Variants in ERCC3 observed in about 807,000 individuals in gnomAD.
ERCC3 encodes the protein general transcription and DNA repair factor IIH helicase/translocase subunit XPB.
In ERCC3, 66 loss-of-function variants were observed where a neutral mutation model predicts 94.2. That is an observed-to-expected ratio of 0.70 (90% CI 0.57 to 0.86). The LOEUF is 0.86. Ranked by LOEUF, ERCC3 falls within the 40% of genes least tolerant of loss-of-function variation. The pLI, the probability that ERCC3 is intolerant of heterozygous loss-of-function variation, is 0.00. For missense variants in ERCC3, 829 were observed against 987.1 expected, an observed-to-expected ratio of 0.84 and a Z score of 2.15; for synonymous variants, 349 against 369.1, an observed-to-expected ratio of 0.95 and a Z score of 0.63.
intron 3 of ERCC3, chr2:127,290,858 G>A (rs950771395): frequency 2.6e-5 from 4 of 156,466 alleles, no homozygotes; most frequent in African/African-American, 9.7e-5. Flanking sequence ...GAGCCAGGTG[G>A]ATCACCTGAG....
intron 2 of ERCC3, 147 bp downstream of exon 2, chr2:127,293,366 G>T: frequency 1.3e-6 from 1 of 763,878 alleles, no homozygotes; most frequent in Non-Finnish European, 2.1e-6. Context: ...GTTGCCTTGG[G>T]CTGTTCCAAC....
chr2:127,277,097 G>C lies in ERCC3; in HGVS notation c.1730+2076C>G, dbSNP rs1220090650. On this transcript the variant is annotated intron_variant, in intron 10 of 14. Transcript: ENST00000285398. The surrounding 1 kb of genome is among the most constrained non-coding windows in gnomAD (Gnocchi z 5.1). ...CCAAGAGGGTGGAGATTTCAGGGTG[G>C]GAAACACAACAAAGAGGCCCAGGGA... Among the ~76,000 whole-genome samples the C allele has an allele frequency of 2.0e-5, 3 of 152,148 alleles. No homozygotes were observed. The highest frequency in any genetic ancestry group is 7.2e-5 in the African/African-American group (3 of 41,424).
chr2:127,289,304 T>C (rs749337248), intron 6 of ERCC3, 33 bp downstream of exon 6: 6 of 1,605,870 alleles, frequency 3.7e-6, no homozygotes, highest in Non-Finnish European at 4.3e-6. Flanking sequence ...AGCAGCTCAG[T>C]GAAGGAACCA....
In ERCC3 at chr2:127,279,122, A is replaced by G. The variant is rs1684827782; in HGVS notation, c.1730+51T>C. The G allele has an allele frequency of 7.9e-7, 1 of 1,265,298 alleles. No homozygotes were observed. Among genetic ancestry groups the G allele is most frequent in the Non-Finnish European group, 1.2e-6 (1 of 864,538 alleles). The allele number at this position is 1,265,298 out of a possible 1,614,324, so 78.4% of individuals were successfully genotyped here. Reference sequence around the variant, plus strand: ...AACAACAGCCACCTTCTGCACTCTCAATGGGGAAGAGAAACTGGCCTGGAG... The same window carrying G: ...AACAACAGCCACCTTCTGCACTCTCGATGGGGAAGAGAAACTGGCCTGGAG... On this transcript the variant is annotated intron_variant, in intron 10 of 14. Coordinates refer to ENST00000285398, the MANE Select transcript of ERCC3 (RefSeq NM_000122.2). The surrounding 1 kb of genome is among the most constrained non-coding windows in gnomAD (Gnocchi z 4.7).
chr2:127,263,731 G>A (rs868729839), intron 12 of ERCC3, among the ~76,000 whole-genome samples: 2 of 149,000 alleles, frequency 1.3e-5, no homozygotes, highest in Non-Finnish European at 3.0e-5. Flanking sequence ...TCTGGGGGAC[G>A]GAGTCTCGCT....
intron 10 of ERCC3, among the ~76,000 whole-genome samples, chr2:127,275,847 C>T (rs1684718968): frequency 6.6e-6 from 1 of 152,142 alleles, no homozygotes; most frequent in Admixed American, 6.5e-5. Context: ...CCTGAGCTAA[C>T]AGACTAGAGA....
chr2:127,278,298 A>G (rs1684797827), intron 10 of ERCC3, among the ~76,000 whole-genome samples: 1 of 152,054 alleles, frequency 6.6e-6, no homozygotes, highest in South Asian at 2.1e-4. Context: ...AACAAAAAAG[A>G]GTCAAAAGCG....
At position 127,280,930 on chromosome 2, in the gene ERCC3, A is replaced by C. The variant is rs1684889072; in HGVS notation, c.1343-299T>G. 2.0e-6 allele frequency: 1 copy of C among 504,268 alleles called. No homozygotes were observed. Among genetic ancestry groups the C allele is most frequent in the South Asian group, 3.9e-5 (1 of 25,712 alleles). 31.2% of individuals were successfully genotyped at this position (504,268 alleles called of 1,614,324 possible). On this transcript the variant is annotated intron_variant, in intron 8 of 14. Transcript: ENST00000285398. The surrounding 1 kb of genome is among the most constrained non-coding windows in gnomAD (Gnocchi z 6.3). ...TTTCAGGACCACAGAAGCTGGCTCT[A>C]GACAAGAATGACTAGGCAAATGCTT...
chr2:127,272,798 T>C, intron 11 of ERCC3, 67 bp downstream of exon 11: 1 of 963,660 alleles, frequency 1.0e-6, no homozygotes, highest in Non-Finnish European at 1.7e-6. Context: ...TGTCCAGGAA[T>C]CATAGTGTAC....
rs145380222 is a variant in ERCC3, at chr2:127,275,829, G to A, written c.1731-2868C>T. Among the ~76,000 whole-genome samples the A allele has an allele frequency of 2.3e-3, 354 of 152,336 alleles. 1 individual carries two copies. The highest frequency in any genetic ancestry group is 7.7e-3 in the African/African-American group (321 of 41,574). ...GAAGCTGAAAAGCAGACAGATGCAGGCACAGTACCTGAGCTAACAGACTAG... is the reference window on the plus strand; with the variant it reads ...GAAGCTGAAAAGCAGACAGATGCAGACACAGTACCTGAGCTAACAGACTAG... On this transcript the variant is annotated intron_variant, in intron 10 of 14. Coordinates refer to ENST00000285398, the MANE Select transcript of ERCC3 (RefSeq NM_000122.2).
rs1326310010 is a variant in ERCC3, at chr2:127,274,066, C to T, written c.1731-1105G>A. On this transcript the variant is annotated intron_variant, in intron 10 of 14. Coordinates refer to ENST00000285398, the MANE Select transcript of ERCC3 (RefSeq NM_000122.2). This position sits in a 1 kb window ranked among gnomAD's most constrained non-coding sequence, Gnocchi z 4.0. ...CGGTGGCTCACACCTGTAATCCCAG[C>T]ACTTTGGGAGGCGGAGGTGGGTGGA... 6.6e-6 allele frequency among the ~76,000 whole-genome samples: 1 copy of T among 150,810 alleles called. No homozygotes were observed. Among genetic ancestry groups the T allele is most frequent in the Non-Finnish European group, 1.5e-5 (1 of 67,814 alleles).
chr2:127,293,422 C>T (rs949147797), intron 2 of ERCC3, 91 bp downstream of exon 2: 1 of 1,190,296 alleles, frequency 8.4e-7, no homozygotes, highest in Admixed American at 1.9e-5. Flanking sequence ...GGGGCAGTAT[C>T]CTGAATGTCA....
intron 7 of ERCC3, among the ~76,000 whole-genome samples, chr2:127,287,495 A>T (rs1301474869): frequency 6.6e-6 from 1 of 152,092 alleles, no homozygotes. Context: ...TTAGCCGGGC[A>T]TGGTGGCGGG....
At chr2:127,288,548 T>C in intron 7 of ERCC3, 112 bp downstream of exon 7, 4 of 957,614 alleles carry the variant, frequency 4.2e-6, no homozygotes, top group Non-Finnish European at 6.9e-6. Context: ...TCACCTGATC[T>C]TGGCTTTTCA....
rs1275936796 is a variant in ERCC3 at position 127,291,817 on chromosome 2, G to C, written c.471+793C>G. On this transcript the variant is annotated intron_variant, in intron 3 of 14. Transcript: ENST00000285398. This position sits in a 1 kb window ranked among gnomAD's most constrained non-coding sequence, Gnocchi z 4.9. ...AATCACATGGAACCCTCTTTGTTTT[G>C]TCAAAAACATCTGAAGTTGTTTTTG... 6.6e-6 allele frequency: 1 copy of C among 152,460 alleles called. No homozygotes were observed. The highest frequency in any genetic ancestry group is 6.5e-5 in the Admixed American group (1 of 15,298). 9.4% of individuals were successfully genotyped at this position (152,460 alleles called of 1,614,324 possible). A position where few individuals can be genotyped will look rare whatever the true frequency, so the allele number is the denominator to read the frequency against.
rs1311651533 is a variant in ERCC3 at position 127,258,602 on chromosome 2, T to C, written c.2217+694A>G. Among the ~76,000 whole-genome samples the C allele has an allele frequency of 6.6e-6, 1 of 152,122 alleles. No homozygotes were observed. Among genetic ancestry groups the C allele is most frequent in the Non-Finnish European group, 1.5e-5 (1 of 68,008 alleles). ...TTCCCAGGGACAGCTGTTTCCTTCT[T>C]GCCTTGGTCCAGCAGTTGCTCACCT... is the stretch of plus-strand genomic sequence containing the variant. On this transcript the variant is annotated intron_variant, in intron 14 of 14. Transcript: ENST00000285398. The surrounding 1 kb of genome is among the most constrained non-coding windows in gnomAD (Gnocchi z 4.1).
At chr2:127,273,553 CA>C (rs1184050631) in intron 10 of ERCC3, among the ~76,000 whole-genome samples, 16 of 151,658 alleles carry the variant, frequency 1.1e-4, no homozygotes, top group Non-Finnish European at 1.0e-4. Flanking sequence ...AATTCACGAC[CA>C]GCCTGACCAA....
chr2:127,257,620 C>T lies in ERCC3; in HGVS notation c.2325G>A (p.Pro775=), dbSNP rs550401363. ...ATCATTTCCTAAAGCGCTTGAAGAG[C>T]GGGTGTACATGTTTGCTGGGCGCCT... ...RSKAPSKHVH[P]LFKRFRK The change falls in exon 15 of 15, where the codon CCG becomes CCA. Residue 775 remains proline, a synonymous_variant. Transcript: ENST00000285398. This position sits in a 1 kb window ranked among gnomAD's most constrained non-coding sequence, Gnocchi z 5.4. 2.3e-5 allele frequency: 37 copies of T among 1,614,102 alleles called. No homozygotes were observed. In the East Asian group the frequency reaches 2.5e-4, roughly 11 times the overall value.
At chr2:127,268,721 G>A (rs1385945990) in intron 12 of ERCC3, among the ~76,000 whole-genome samples, 1 of 152,202 alleles carries the variant, frequency 6.6e-6, no homozygotes, top group African/African-American at 2.4e-5. Flanking sequence ...ACCTTGGAAA[G>A]TCTGACGGCT....
Sources: allele counts gnomAD v4.1 joint callset (sites outside exome capture counted in the v4.1 genomes callset), GRCh38; gene constraint gnomAD v4.1.1; non-coding constraint Gnocchi (gnomAD v3.1); transcripts MANE v1.5; gene names NCBI Gene and HGNC (gene_info 2026-07-23, HGNC 2026-07-21).